CDH13: variants seen among roughly 807,000 people sequenced by gnomAD.
CDH13 encodes cadherin 13, also known as cadherin-13.
Under a neutral mutation model 63.8 loss-of-function variants are expected in CDH13, and 24 were observed. The observed-to-expected ratio is 0.38, with a 90% CI of 0.27 to 0.53. The LOEUF is 0.53. Among genes scored for constraint, CDH13 ranks in the 20% least tolerant of loss-of-function variants. CDH13 has a pLI of 0.85. For synonymous variants in CDH13, 503 were observed against 355.3 expected, an observed-to-expected ratio of 1.42 and a Z score of -4.67; for missense variants, 1,049 against 903.1, an observed-to-expected ratio of 1.16 and a Z score of -2.07.
At chr16:83,148,642 C>G (rs8043830) in intron 4 of CDH13, among the ~76,000 whole-genome samples, 10,485 of 152,208 alleles carry the variant, frequency 0.069, 1,189 homozygotes, top group African/African-American at 0.24. Flanking sequence ...ATGGTAAACT[C>G]TCGCACCATA....
At chr16:83,423,052 T>C (rs2071764483) in intron 6 of CDH13, among the ~76,000 whole-genome samples, 1 of 152,218 alleles carries the variant, frequency 6.6e-6, no homozygotes, top group Admixed American at 6.5e-5. Context: ...GTACATGTCT[T>C]TCTTCCATTT....
intron 5 of CDH13, among the ~76,000 whole-genome samples, chr16:83,252,800 AC>A (rs1905742182): frequency 6.6e-6 from 1 of 151,880 alleles, no homozygotes; most frequent in African/African-American, 2.4e-5. Context: ...CCTGCCCCCC[AC>A]CCCAATAAGG....
At chr16:83,583,961 G>C (rs1415172606) in intron 7 of CDH13, among the ~76,000 whole-genome samples, 1 of 152,042 alleles carries the variant, frequency 6.6e-6, no homozygotes, top group Non-Finnish European at 1.5e-5. Flanking sequence ...GCAGAGCTGA[G>C]ATTTGTATCC....
At chr16:83,683,258 A>G (rs1438459032) in intron 10 of CDH13, among the ~76,000 whole-genome samples, 1 of 152,248 alleles carries the variant, frequency 6.6e-6, no homozygotes, top group African/African-American at 2.4e-5. Flanking sequence ...CTAGTGACAG[A>G]TGAAATTCTT....
At chr16:83,193,349 T>C (rs1297236011) in intron 4 of CDH13, among the ~76,000 whole-genome samples, 1 of 152,074 alleles carries the variant, frequency 6.6e-6, no homozygotes, top group Non-Finnish European at 1.5e-5. Context: ...CTCTGACACA[T>C]AGATTAAAAA....
At chr16:82,879,658 A>G (rs2040625050) in intron 2 of CDH13, among the ~76,000 whole-genome samples, 1 of 139,806 alleles carries the variant, frequency 7.2e-6, no homozygotes, top group Non-Finnish European at 1.5e-5. Flanking sequence ...ATATTTAGAT[A>G]TAATATATTT....
chr16:82,966,201 T>G (rs1019557622), intron 2 of CDH13, among the ~76,000 whole-genome samples: 9 of 152,212 alleles, frequency 5.9e-5, no homozygotes, highest in African/African-American at 1.7e-4. Flanking sequence ...CAGGCTGGAG[T>G]GCAGTGGTGC....
At chr16:83,184,000 T>G (rs2038430249) in intron 4 of CDH13, among the ~76,000 whole-genome samples, 1 of 151,764 alleles carries the variant, frequency 6.6e-6, no homozygotes, top group African/African-American at 2.4e-5. Flanking sequence ...AACATTAACA[T>G]CTAAGCCATA....
At position 82,855,517 on chromosome 16, in the gene CDH13, T is replaced by A. The variant is rs376622145; in HGVS notation, c.46-2845T>A. Among the ~76,000 whole-genome samples, 6 of 152,226 alleles carry A rather than the reference T, an allele frequency of 3.9e-5. No homozygotes were observed. The East Asian group carries it at 7.7e-4, about 20-fold the overall frequency. ...CTTGACCATTTGCTATTTAACTGAA[T>A]TAATGTTGGCCAGTTATAGATTTTC... On this transcript the variant is annotated intron_variant, in intron 1 of 13. Coordinates refer to ENST00000567109, the MANE Select transcript of CDH13 (RefSeq NM_001257.5).
intron 6 of CDH13, among the ~76,000 whole-genome samples, chr16:83,455,943 A>G (rs2151516869): frequency 6.6e-6 from 1 of 152,360 alleles, no homozygotes; most frequent in Middle Eastern, 3.4e-3. Flanking sequence ...ACAGTGTGGA[A>G]TAAGAGGCAT....
intron 2 of CDH13, among the ~76,000 whole-genome samples, chr16:82,941,844 A>G (rs1904291323): frequency 6.6e-6 from 1 of 152,156 alleles, no homozygotes; most frequent in African/African-American, 2.4e-5. Context: ...AAGCACTTAT[A>G]TTCATACCCA....
At chr16:82,795,393 A>G (rs1485691819) in intron 1 of CDH13, among the ~76,000 whole-genome samples, 1 of 152,310 alleles carries the variant, frequency 6.6e-6, no homozygotes, top group African/African-American at 2.4e-5. Context: ...AGAAGCTTCA[A>G]AAGGCAGTCA....
At chr16:83,701,739 C>G (rs968780628) in intron 10 of CDH13, among the ~76,000 whole-genome samples, 4 of 152,152 alleles carry the variant, frequency 2.6e-5, no homozygotes, top group Non-Finnish European at 4.4e-5. Flanking sequence ...CGGTCAGCAC[C>G]CACCAATTGC....
rs149522781 is a variant in CDH13, at chr16:83,277,031, C to T, written c.636+59534C>T. Among the ~76,000 whole-genome samples, 7 of 152,192 alleles carry T rather than the reference C, an allele frequency of 4.6e-5. No homozygotes were observed. The East Asian group carries it at 5.8e-4, about 13-fold the overall frequency. ...CTGCCCCCATAATACAATTACCCCCCACCAGGTCTCTCCAACAACATGTGG... is the reference window on the plus strand; with the variant it reads ...CTGCCCCCATAATACAATTACCCCCTACCAGGTCTCTCCAACAACATGTGG... On this transcript the variant is annotated intron_variant, in intron 5 of 13. Coordinates refer to ENST00000567109, the MANE Select transcript of CDH13 (RefSeq NM_001257.5).
At chr16:83,622,661 C>G (rs1458969813) in intron 8 of CDH13, among the ~76,000 whole-genome samples, 1 of 152,202 alleles carries the variant, frequency 6.6e-6, no homozygotes, top group African/African-American at 2.4e-5. Flanking sequence ...TAATGAGGCT[C>G]ATTTTTACAT....
intron 6 of CDH13, among the ~76,000 whole-genome samples, chr16:83,415,857 T>A (rs1432466541): frequency 2.0e-5 from 3 of 152,168 alleles, no homozygotes; most frequent in Non-Finnish European, 4.4e-5. Context: ...ATAGGGATAC[T>A]CACTGTCACC....
intron 4 of CDH13, among the ~76,000 whole-genome samples, chr16:83,136,226 G>T (rs2036277802): frequency 6.6e-6 from 1 of 151,390 alleles, no homozygotes; most frequent in Non-Finnish European, 1.5e-5. Flanking sequence ...GCTCATGCCT[G>T]TAATCCCAGC....
At chr16:82,675,531 C>G (rs367791779) in intron 1 of CDH13, among the ~76,000 whole-genome samples, 11 of 152,202 alleles carry the variant, frequency 7.2e-5, no homozygotes, top group African/African-American at 2.7e-4. Flanking sequence ...TGGCCCAGCA[C>G]AGTTTCAAAG....
intron 1 of CDH13, among the ~76,000 whole-genome samples, chr16:82,779,983 G>A (rs1197312387): frequency 6.6e-6 from 1 of 152,160 alleles, no homozygotes; most frequent in Non-Finnish European, 1.5e-5. Flanking sequence ...TTTAGGGGAT[G>A]CAGTCTCTGC....
Sources: gnomAD v4.1 joint callset for allele counts (sites outside exome capture counted in the v4.1 genomes callset) on GRCh38, gnomAD v4.1.1 for gene constraint, MANE v1.5 for transcripts, NCBI Gene and HGNC (gene_info 2026-07-23, HGNC 2026-07-21) for gene names.